Variants in CNTRL observed in about 807,000 individuals in gnomAD.
CNTRL encodes the protein 110 kDa centrosomal protein.
A neutral mutation model predicts 303.7 loss-of-function variants in CNTRL; 233 were observed. The ratio of observed to expected loss-of-function variants is 0.77; its 90% CI spans 0.69 to 0.86. The LOEUF (loss-of-function observed/expected upper bound fraction) is 0.86, where lower values mean the gene tolerates loss of function less well. Ranked by LOEUF, CNTRL falls within the 40% of genes least tolerant of loss-of-function variation. The pLI, the probability that CNTRL is intolerant of heterozygous loss-of-function variation, is 0.00. For synonymous variants in CNTRL, 900 were observed against 922.2 expected (o/e 0.98, Z 0.44); for missense variants, 2,524 against 2,650.6 (o/e 0.95, Z 1.05).
intron 38 of CNTRL, among the ~76,000 whole-genome samples, chr9:121,168,808 C>T (rs1217454133): frequency 6.6e-6 from 1 of 152,150 alleles, no homozygotes; most frequent in Non-Finnish European, 1.5e-5. Context: ...AATGATTGTT[C>T]TCACATCAGT....
intron 2 of CNTRL, 132 bp from the exon 3 acceptor site, chr9:121,088,164 G>T: frequency 1.7e-6 from 1 of 603,376 alleles, no homozygotes; most frequent in Admixed American, 3.0e-5. Flanking sequence ...TGCTCCATCA[G>T]CTTGGAGTAG....
chr9:121,150,265 G>A lies in CNTRL; in HGVS notation c.3745G>A (p.Val1249Met). The part of the protein sequence containing the change: ...VPPPGYMMYT[V>M]LPDGSPVPQG... The stretch of plus-strand genomic sequence containing the variant: ...TCCTCCTGGATACATGATGTATACT[G>A]TGCTTCCTGATGGTTCTCCTGTACC... Residue 1249 changes from valine to methionine, a missense_variant, in exon 25 of 44, where the codon GTG becomes ATG. Coordinates refer to ENST00000373855, the MANE Select transcript of CNTRL (RefSeq NM_007018.6). The A allele has an allele frequency of 5.0e-6, 8 of 1,614,160 alleles. No individual in the cohort carries two copies. Among genetic ancestry groups the A allele is most frequent in the Non-Finnish European group, 1.7e-6 (2 of 1,180,008 alleles).
chr9:121,102,475 T>A (rs1475595114), intron 7 of CNTRL, among the ~76,000 whole-genome samples: 1 of 152,214 alleles, frequency 6.6e-6, no homozygotes, highest in Non-Finnish European at 1.5e-5. Context: ...GCATTCCCTT[T>A]GAAAACTGGC....
rs1462177938 is a variant in CNTRL at position 121,118,379 on chromosome 9, C to T, written c.1489C>T (p.Gln497Ter). Residue 497 changes from glutamine (Q) to a stop codon, truncating the protein, a stop_gained, in exon 12 of 44, where the codon CAG (glutamine) becomes TAG (stop). Coordinates refer to ENST00000373855, the MANE Select transcript of CNTRL (RefSeq NM_007018.6). LOFTEE classifies it high-confidence loss of function. ...SEAGKDLLYK[Q>*]LSGRLQLVNK... ...AGCAGGGAAAGACCTTCTTTACAAG[C>T]AGTTGAGTGGTAGACTACAACTTGT... is the stretch of plus-strand genomic sequence containing the variant. The T allele has an allele frequency of 1.9e-6, 3 of 1,603,818 alleles. No homozygotes were observed. The highest frequency in any genetic ancestry group is 2.7e-5 in the African/African-American group (2 of 74,406).
intron 4 of CNTRL, among the ~76,000 whole-genome samples, chr9:121,092,308 G>A (rs1310984731): frequency 7.0e-6 from 1 of 143,430 alleles, no homozygotes; most frequent in African/African-American, 2.6e-5. Context: ...TAGCATTACT[G>A]CCTGGTGCTA....
At chr9:121,129,225 C>T (rs570970148) in intron 14 of CNTRL, among the ~76,000 whole-genome samples, 3 of 152,090 alleles carry the variant, frequency 2.0e-5, no homozygotes, top group Non-Finnish European at 4.4e-5. Context: ...TATAAATTAC[C>T]TTGGGCAGTA....
intron 2 of CNTRL, among the ~76,000 whole-genome samples, chr9:121,085,376 T>C (rs937703254): frequency 6.6e-6 from 1 of 152,216 alleles, no homozygotes; most frequent in Non-Finnish European, 1.5e-5. Context: ...TATACACTTA[T>C]GATTTATGTA....
chr9:121,075,897 T>C (rs1444539736), intron 1 of CNTRL, among the ~76,000 whole-genome samples: 4 of 152,166 alleles, frequency 2.6e-5, no homozygotes, highest in Non-Finnish European at 4.4e-5. Context: ...AAATCAGAAT[T>C]TGAACTCAGG....
At chr9:121,094,481 C>T (rs540974132) in intron 4 of CNTRL, among the ~76,000 whole-genome samples, 5 of 152,120 alleles carry the variant, frequency 3.3e-5, no homozygotes, top group Non-Finnish European at 7.4e-5. Flanking sequence ...ATGAAGGTCT[C>T]GCCTCTCAGA....
At chr9:121,134,293 AT>A (rs111594737) in intron 14 of CNTRL, among the ~76,000 whole-genome samples, 18,212 of 67,566 alleles carry the variant, frequency 0.27, 2,111 homozygotes, top group East Asian at 0.47. Context: ...TATCATTATT[AT>A]TTTTTTTTTT....
rs977343469 is a variant in CNTRL at position 121,173,364 on chromosome 9, C to T, written c.6539C>T (p.Pro2180Leu). The T allele has an allele frequency of 8.7e-6, 14 of 1,613,920 alleles. No homozygotes were observed. Among genetic ancestry groups the T allele is most frequent in the Admixed American group, 3.3e-5 (2 of 59,996 alleles). The change falls in exon 41 of 44, where the codon CCA becomes CTA. Residue 2180 changes from proline (P) to leucine (L), a missense_variant. Transcript: ENST00000373855. The stretch of plus-strand genomic sequence containing the variant: ...TTGAAGAATCTTAATCAGTTTCTTC[C>T]AGAACTACCAGCAGATCTAGAAGCT... ...TSLKNLNQFL[P>L]ELPADLEAIL...
intron 2 of CNTRL, among the ~76,000 whole-genome samples, chr9:121,082,210 G>A (rs1296427855): frequency 6.6e-6 from 1 of 152,208 alleles, no homozygotes; most frequent in Non-Finnish European, 1.5e-5. Context: ...CAGCATTTAT[G>A]GATAGAAAAG....
intron 14 of CNTRL, among the ~76,000 whole-genome samples, chr9:121,132,374 G>A (rs1376625346): frequency 4.0e-5 from 6 of 151,588 alleles, no homozygotes; most frequent in Admixed American, 1.3e-4. Context: ...GCTTTATTTC[G>A]TTAATTTGAT....
In CNTRL at chr9:121,124,055, T is replaced by C; in HGVS notation, c.1775T>C (p.Ile592Thr). The C allele has an allele frequency of 6.2e-7, 1 of 1,610,566 alleles. No individual in the cohort carries two copies. The highest frequency in any genetic ancestry group is 1.1e-5 in the South Asian group (1 of 90,048). Residue 592 changes from isoleucine to threonine, a missense_variant, in exon 13 of 44, where the codon ATT (isoleucine) becomes ACT (threonine). Physicochemically the swap from Ile to Thr is moderately conservative, Grantham distance 89. Coordinates refer to ENST00000373855, the MANE Select transcript of CNTRL (RefSeq NM_007018.6). ...LSRIAKETEE[I>T]KDLEEQLTEG... ...AGAATTGCTAAGGAAACGGAAGAGA[T>C]TAAGGACCTTGAAGAACAGCTTACT...
chr9:121,124,944 GAAAA>G (rs5900472), intron 13 of CNTRL, among the ~76,000 whole-genome samples: 1 of 135,860 alleles, frequency 7.4e-6, no homozygotes. Flanking sequence ...AACTTTGTCT[GAAAA>G]AAAAAAAAAA....
chr9:121,083,098 C>T (rs1048964532), intron 2 of CNTRL, among the ~76,000 whole-genome samples: 5 of 151,952 alleles, frequency 3.3e-5, no homozygotes, highest in African/African-American at 9.7e-5. Context: ...CCCAGTTAGT[C>T]GGTGAGTGAA....
In CNTRL at chr9:121,171,620, T is replaced by C. The variant is rs765911766; in HGVS notation, c.6417+72T>C. 2.7e-6 allele frequency: 4 copies of C among 1,478,850 alleles called. No individual in the cohort carries two copies. In the South Asian group the frequency reaches 5.1e-5, roughly 19 times the overall value. 91.6% of individuals were successfully genotyped at this position (1,478,850 alleles called of 1,614,324 possible). A position where few individuals can be genotyped will look rare whatever the true frequency, so the allele number is the denominator to read the frequency against. On this transcript the variant is annotated intron_variant, in intron 40 of 43. Transcript: ENST00000373855. ...CACTGGGCTCAGGCAGATTGTATTG[T>C]TTTTAATATCCCTTCTATAGTAGTA...
chr9:121,154,742 T>A lies in CNTRL; in HGVS notation c.4194T>A (p.Val1398=), dbSNP rs3736855. 0.44 allele frequency: 704,108 copies of A among 1,597,718 alleles called. 161,749 individuals carry two copies. The highest frequency in any genetic ancestry group is 0.65 in the South Asian group (58,923 of 90,558). ...TTAGGGACTTCATTGATGGAAATGT[T>A]GAGAGTCTTATGACTGAACTAGAAA... The part of the protein sequence containing the change: ...QQQKDFIDGN[V]ESLMTELEIE... Residue 1398 remains valine, a synonymous_variant, in exon 27 of 44, where the codon GTT becomes GTA. Coordinates refer to ENST00000373855, the MANE Select transcript of CNTRL (RefSeq NM_007018.6).
At chr9:121,118,861 A>G (rs2050096097) in intron 12 of CNTRL, among the ~76,000 whole-genome samples, 1 of 152,188 alleles carries the variant, frequency 6.6e-6, no homozygotes, top group East Asian at 1.9e-4. Flanking sequence ...ATTAGGTATT[A>G]TAAGTAATCT....
Sources: gnomAD v4.1 joint callset for allele counts (sites outside exome capture counted in the v4.1 genomes callset) on GRCh38, gnomAD v4.1.1 for gene constraint, MANE v1.5 for transcripts, NCBI Gene and HGNC (gene_info 2026-07-23, HGNC 2026-07-21) for gene names.